The following ANKS1B variants were observed in gnomAD, a reference collection of about 807,000 sequenced individuals.
ANKS1B encodes ankyrin repeat and sterile alpha motif domain-containing protein 1B.
Under a neutral mutation model 148.3 loss-of-function variants are expected in ANKS1B, and 36 were observed. That is an observed-to-expected ratio of 0.24 (90% CI 0.19 to 0.32). The LOEUF is 0.32. Among genes scored for constraint, ANKS1B ranks in the 10% least tolerant of loss-of-function variants. The probability of loss-of-function intolerance (pLI) is 1.00; values close to 1 mark genes in which losing one functional copy is unlikely to be tolerated. For synonymous variants in ANKS1B, 542 were observed against 560.8 expected (o/e 0.97, Z 0.47); for missense variants, 1,157 against 1,542.6 (o/e 0.75, Z 4.19).
intron 11 of ANKS1B, among the ~76,000 whole-genome samples, chr12:99,416,336 G>A (rs768627982): frequency 1.3e-5 from 2 of 152,164 alleles, no homozygotes; most frequent in Non-Finnish European, 2.9e-5. Flanking sequence ...ATTTTTCAGT[G>A]AACATGTTTT....
At chr12:99,899,834 C>T (rs116991879) in intron 1 of ANKS1B, among the ~76,000 whole-genome samples, 1,524 of 151,992 alleles carry the variant, frequency 0.01, 22 homozygotes, top group Middle Eastern at 0.014. Context: ...CTTTTCATGT[C>T]GTAACAGTCT....
chr12:98,789,418 A>AT (rs2098827774), intron 22 of ANKS1B, among the ~76,000 whole-genome samples: 11 of 128,432 alleles, frequency 8.6e-5, no homozygotes, highest in African/African-American at 3.2e-4. Flanking sequence ...GAAGATGTAT[A>AT]GTTTTTTTTT....
intron 1 of ANKS1B, among the ~76,000 whole-genome samples, chr12:99,946,352 T>C (rs533621162): frequency 6.6e-6 from 1 of 152,254 alleles, no homozygotes; most frequent in African/African-American, 2.4e-5. Flanking sequence ...TTTTCTCACA[T>C]TTCTGGAGGC....
chr12:99,702,705 G>T (rs2055046289), intron 8 of ANKS1B, among the ~76,000 whole-genome samples: 1 of 150,476 alleles, frequency 6.6e-6, no homozygotes, highest in African/African-American at 2.5e-5. Context: ...ACCAAACCCA[G>T]CTAATTTTTT....
At chr12:98,823,498 T>C (rs2099218442) in intron 19 of ANKS1B, among the ~76,000 whole-genome samples, 1 of 152,180 alleles carries the variant, frequency 6.6e-6, no homozygotes, top group Non-Finnish European at 1.5e-5. Context: ...AAAAACACTC[T>C]CTTTTCTTTG....
chr12:99,929,856 T>C (rs1049915320), intron 1 of ANKS1B, among the ~76,000 whole-genome samples: 1 of 151,436 alleles, frequency 6.6e-6, no homozygotes, highest in Non-Finnish European at 1.5e-5. Context: ...CATTGGTCTA[T>C]ATCTCTGTTT....
chr12:99,893,711 C>A (rs1001264695), intron 1 of ANKS1B, among the ~76,000 whole-genome samples: 2 of 152,126 alleles, frequency 1.3e-5, no homozygotes, highest in African/African-American at 4.8e-5. Context: ...CAATGTTTAG[C>A]ACCTATTTAT....
chr12:99,694,056 G>A (rs1249046481), intron 8 of ANKS1B, among the ~76,000 whole-genome samples: 1 of 150,746 alleles, frequency 6.6e-6, no homozygotes, highest in East Asian at 2.0e-4. Flanking sequence ...TGGGATTACA[G>A]GCGTGAGCCA....
intron 12 of ANKS1B, among the ~76,000 whole-genome samples, chr12:99,249,718 A>G (rs2074324443): frequency 6.6e-6 from 1 of 152,142 alleles, no homozygotes; most frequent in African/African-American, 2.4e-5. Flanking sequence ...CCCCGTATCT[A>G]GTCCTCTCAC....
intron 25 of ANKS1B, among the ~76,000 whole-genome samples, chr12:98,758,777 TTCC>T (rs2098327220): frequency 7.1e-6 from 1 of 140,096 alleles, no homozygotes; most frequent in Non-Finnish European, 1.5e-5. Context: ...TTTCTTTTCC[TTCC>T]TTTTTTTTTT....
intron 1 of ANKS1B, among the ~76,000 whole-genome samples, chr12:99,973,433 A>G (rs1334550509): frequency 6.6e-6 from 1 of 152,196 alleles, no homozygotes; most frequent in Non-Finnish European, 1.5e-5. Context: ...TTTAAAAATT[A>G]TCCAGGCTTG....
At chr12:99,633,221 G>T (rs997825182) in intron 9 of ANKS1B, among the ~76,000 whole-genome samples, 4 of 151,850 alleles carry the variant, frequency 2.6e-5, no homozygotes, top group African/African-American at 9.7e-5. Flanking sequence ...ATAAACATAC[G>T]TGTGCATGTG....
intron 9 of ANKS1B, among the ~76,000 whole-genome samples, chr12:99,563,880 T>C (rs1347349568): frequency 6.6e-6 from 1 of 152,212 alleles, no homozygotes; most frequent in East Asian, 1.9e-4. Flanking sequence ...ATTGTACTAT[T>C]GCATGCACTT....
chr12:99,716,643 T>C (rs2057368458), intron 8 of ANKS1B, among the ~76,000 whole-genome samples: 1 of 152,050 alleles, frequency 6.6e-6, no homozygotes, highest in African/African-American at 2.4e-5. Flanking sequence ...ATAATTCTTG[T>C]CGTAAAATGG....
chr12:99,238,767 C>A (rs1034584862), intron 14 of ANKS1B, among the ~76,000 whole-genome samples: 1 of 152,124 alleles, frequency 6.6e-6, no homozygotes, highest in African/African-American at 2.4e-5. Context: ...GATACCCAGG[C>A]AAACAGGGTC....
At chr12:99,396,385 TA>T (rs779297515) in intron 12 of ANKS1B, among the ~76,000 whole-genome samples, 3 of 152,300 alleles carry the variant, frequency 2.0e-5, no homozygotes, top group East Asian at 3.9e-4. Context: ...ATGCCTTCCT[TA>T]CAAGTTTTCC....
chr12:98,970,132 C>G (rs12309850), intron 17 of ANKS1B, among the ~76,000 whole-genome samples: 27,563 of 152,196 alleles, frequency 0.18, 2,681 homozygotes, highest in African/African-American at 0.23. Context: ...CAAGACTGGG[C>G]ACAACTCTTC....
At chr12:98,743,507 A>AATC (rs1233372585), downstream of ANKS1B, among the ~76,000 whole-genome samples, 1 of 152,110 alleles carries the variant, frequency 6.6e-6, no homozygotes, top group Admixed American at 6.5e-5. Flanking sequence ...ATCAGCTGCA[A>AATC]ATCTCTTCGT....
In ANKS1B at chr12:99,227,801, G is replaced by A. The variant is rs536519301; in HGVS notation, c.2419+16541C>T. On this transcript the variant is annotated intron_variant, in intron 14 of 26. Transcript: ENST00000683438. ...TCATGTAAGTCTCCTACAAATCAGC[G>A]TAAGGTTAATTAAGAGAGTTGAGAC... Among the ~76,000 whole-genome samples the A allele has an allele frequency of 4.6e-5, 7 of 152,158 alleles. No individual in the cohort carries two copies. The South Asian group carries it at 6.2e-4, about 14-fold the overall frequency.
Sources: allele counts gnomAD v4.1 joint callset (sites outside exome capture counted in the v4.1 genomes callset), GRCh38; gene constraint gnomAD v4.1.1; transcripts MANE v1.5; gene names NCBI Gene and HGNC (gene_info 2026-07-23, HGNC 2026-07-21).